Variants in TM9SF4 observed in about 807,000 individuals in gnomAD.
TM9SF4 encodes the protein transmembrane 9 superfamily member 4.
Under a neutral mutation model 90.4 loss-of-function variants are expected in TM9SF4, and 26 were observed. The ratio of observed to expected loss-of-function variants is 0.29; its 90% confidence interval spans 0.21 to 0.40. The LOEUF is 0.40. TM9SF4 is among the 10% of genes least tolerant of loss of function. The pLI, the probability that TM9SF4 is intolerant of heterozygous loss-of-function variation, is 1.00. For synonymous variants in TM9SF4, 293 were observed against 315.4 expected, an observed-to-expected ratio of 0.93 and a Z score of 0.75; for missense variants, 549 against 834.8, an observed-to-expected ratio of 0.66 and a Z score of 4.22.
chr20:32,157,674 G>GC (rs1186564252), intron 13 of TM9SF4, 120 bp from the exon 14 acceptor site: 2 of 1,306,952 alleles, frequency 1.5e-6, no homozygotes, highest in African/African-American at 3.0e-5. Context: ...GGCAGGGAGT[G>GC]TGCTTCTGCT....
intron 1 of TM9SF4, among the ~76,000 whole-genome samples, chr20:32,127,656 A>G (rs1238985888): frequency 1.3e-5 from 2 of 152,040 alleles, no homozygotes; most frequent in East Asian, 1.9e-4. Context: ...TTTTATGTGT[A>G]TACTTGCTCC....
At chr20:32,123,076 G>A (rs1280937870) in intron 1 of TM9SF4, among the ~76,000 whole-genome samples, 1 of 148,642 alleles carries the variant, frequency 6.7e-6, no homozygotes, top group Non-Finnish European at 1.5e-5. Context: ...GGCTGAGGCA[G>A]GAGAATCAGG....
At chr20:32,129,739 C>T (rs886098963) in intron 1 of TM9SF4, among the ~76,000 whole-genome samples, 8 of 152,092 alleles carry the variant, frequency 5.3e-5, no homozygotes, top group African/African-American at 1.9e-4. Context: ...CATCTGCCAC[C>T]ACACCTGGCT....
intron 9 of TM9SF4, among the ~76,000 whole-genome samples, chr20:32,149,419 A>G (rs1294538209): frequency 1.3e-5 from 2 of 152,182 alleles, no homozygotes; most frequent in Non-Finnish European, 2.9e-5. Context: ...TGTGGAATTT[A>G]AAGAGATTTT....
intron 12 of TM9SF4, among the ~76,000 whole-genome samples, chr20:32,154,121 C>T (rs1305634272): frequency 6.6e-6 from 1 of 152,120 alleles, no homozygotes; most frequent in African/African-American, 2.4e-5. Flanking sequence ...GGGGCCCAGA[C>T]ATACGTGTTT....
At chr20:32,117,045 GA>G (rs2122312467) in intron 1 of TM9SF4, among the ~76,000 whole-genome samples, 1 of 150,644 alleles carries the variant, frequency 6.6e-6, no homozygotes, top group African/African-American at 2.4e-5. Context: ...CCAACATGGC[GA>G]AACCCTGTCT....
chr20:32,140,998 A>G (rs778616953), intron 3 of TM9SF4, among the ~76,000 whole-genome samples: 1 of 152,028 alleles, frequency 6.6e-6, no homozygotes, highest in Non-Finnish European at 1.5e-5. Flanking sequence ...TGGGCAGATC[A>G]TGAGGTCAGG....
At chr20:32,137,270 C>A (rs1196707580) in intron 3 of TM9SF4, among the ~76,000 whole-genome samples, 1 of 152,220 alleles carries the variant, frequency 6.6e-6, no homozygotes, top group Non-Finnish European at 1.5e-5. Context: ...TTGCCTCTCC[C>A]CGGGAAGCCT....
In TM9SF4 at chr20:32,165,297, G is replaced by A; in HGVS notation, c.1782G>A (p.Leu594=). 6.2e-7 allele frequency: 1 copy of A among 1,614,162 alleles called. No homozygotes were observed. Among genetic ancestry groups the A allele is most frequent in the Admixed American group, 1.7e-5 (1 of 60,030 alleles). The change falls in exon 18 of 18, where the codon CTG becomes CTA. Residue 594 remains leucine (L), a splice_region_variant and synonymous_variant. Transcript: ENST00000398022. ...CTTCTTTCTGCTCGTGGCCGCAGCT[G>A]GACATCGTGGAGTTCATCCCCTCTC... ...VYAIFYFVNK[L]DIVEFIPSLL... is the part of the protein sequence containing the mutation.
At chr20:32,163,259 AAAAAAAAAAATATATATAT>A (rs1341754775) in intron 17 of TM9SF4, among the ~76,000 whole-genome samples, 5 of 89,228 alleles carry the variant, frequency 5.6e-5, no homozygotes, top group Non-Finnish European at 6.5e-5. Context: ...AAAAAAAAAA[AAAAAAAAAAATATATATAT>A]ATATATATAT....
chr20:32,155,015 C>A, intron 12 of TM9SF4, 88 bp from the exon 13 acceptor site: 2 of 925,514 alleles, frequency 2.2e-6, no homozygotes, highest in Non-Finnish European at 3.6e-6. Context: ...ACAAGGAGGG[C>A]TTAAGAGCTT....
chr20:32,157,748 C>G, intron 13 of TM9SF4, 46 bp from the exon 14 acceptor site: 1 of 1,604,444 alleles, frequency 6.2e-7, no homozygotes, highest in Non-Finnish European at 8.5e-7. Context: ...AGCCCCCATC[C>G]CGGGCATCAG....
chr20:32,127,387 T>TTCTGGGTC (rs1442622156), intron 1 of TM9SF4, among the ~76,000 whole-genome samples: 4 of 152,144 alleles, frequency 2.6e-5, no homozygotes, highest in African/African-American at 9.7e-5. Context: ...GTTACTTAAC[T>TTCTGGGTC]TCTGGGTCTC....
intron 1 of TM9SF4, among the ~76,000 whole-genome samples, chr20:32,131,181 C>A (rs2046505609): frequency 6.6e-6 from 1 of 152,158 alleles, no homozygotes; most frequent in South Asian, 2.1e-4. Context: ...CTGTCTTAGC[C>A]ATGGCACTGT....
intron 12 of TM9SF4, among the ~76,000 whole-genome samples, chr20:32,152,592 A>T (rs531367368): frequency 5.3e-5 from 8 of 151,838 alleles, no homozygotes; most frequent in Non-Finnish European, 1.2e-4. Context: ...TGGTCTCCCT[A>T]CAAGATTCTG....
At chr20:32,121,378 C>T (rs1415197881) in intron 1 of TM9SF4, among the ~76,000 whole-genome samples, 1 of 151,924 alleles carries the variant, frequency 6.6e-6, no homozygotes, top group Non-Finnish European at 1.5e-5. Context: ...TCCCTGGGTA[C>T]TTGAGATTAG....
In TM9SF4 at chr20:32,133,030, T is replaced by C. The variant is rs1258349806; in HGVS notation, c.33T>C (p.Ser11=). Residue 11 remains serine (S), a synonymous_variant, in exon 2 of 18, where the codon TCT becomes TCC. Coordinates refer to ENST00000398022, the MANE Select transcript of TM9SF4 (RefSeq NM_014742.4). ...CTGAGCAGGATTGGTTGCCGTGGTC[T>C]TTACTGCTTTTCTCCCTGATGTGTG... MATAMDWLPW[S]LLLFSLMCET... The C allele has an allele frequency of 3.7e-6, 6 of 1,614,102 alleles. No individual in the cohort carries two copies. In the South Asian group the frequency reaches 5.5e-5, roughly 15 times the overall value.
intron 15 of TM9SF4, 142 bp from the exon 16 acceptor site, chr20:32,159,850 G>C: frequency 8.3e-7 from 1 of 1,199,882 alleles, no homozygotes; most frequent in South Asian, 1.4e-5. Context: ...CTGGGGAAGA[G>C]GGGCCAGAGC....
chr20:32,118,605 T>G (rs201578408), intron 1 of TM9SF4, among the ~76,000 whole-genome samples: 2 of 9,282 alleles, frequency 2.2e-4, no homozygotes, highest in Admixed American at 1.1e-3. Context: ...TTTGTTGTAT[T>G]TATTTATTTA....
Sources: gnomAD v4.1 joint callset for allele counts (sites outside exome capture counted in the v4.1 genomes callset) on GRCh38, gnomAD v4.1.1 for gene constraint, MANE v1.5 for transcripts, NCBI Gene and HGNC (gene_info 2026-07-23, HGNC 2026-07-21) for gene names.